The following TAFA1 variants were observed in gnomAD, a reference collection of about 807,000 sequenced individuals.
TAFA1 encodes the protein chemokine-like protein TAFA-1.
A neutral mutation model predicts 18.5 loss-of-function variants in TAFA1; 4 were observed. That is an observed-to-expected ratio of 0.22 (90% CI 0.11 to 0.49). The LOEUF (loss-of-function observed/expected upper bound fraction) is 0.49. Among genes scored for constraint, TAFA1 ranks in the 20% least tolerant of loss-of-function variants. The pLI is 0.98. For synonymous variants in TAFA1, 56 were observed against 55.2 expected (o/e 1.01, Z -0.06); for missense variants, 147 against 169.0 (o/e 0.87, Z 0.72).
At chr3:68,424,803 T>A (rs536034032) in intron 3 of TAFA1, among the ~76,000 whole-genome samples, 9 of 152,032 alleles carry the variant, frequency 5.9e-5, no homozygotes, top group Non-Finnish European at 1.3e-4. Flanking sequence ...ACAAGTAGCT[T>A]ATTAAACTTG....
chr3:68,233,976 A>AAAGC (rs1253171764), intron 2 of TAFA1, among the ~76,000 whole-genome samples: 2 of 152,212 alleles, frequency 1.3e-5, no homozygotes, highest in African/African-American at 4.8e-5. Context: ...AACTGGCAGA[A>AAAGC]AAGCAATGGT....
At chr3:68,277,146 T>C (rs1339510753) in intron 2 of TAFA1, among the ~76,000 whole-genome samples, 2 of 152,164 alleles carry the variant, frequency 1.3e-5, no homozygotes, top group African/African-American at 4.8e-5. Context: ...GCATATATAT[T>C]AGTGCATACA....
chr3:68,006,563 G>C, intron 1 of TAFA1, 61 bp from the exon 2 acceptor site: 5 of 1,083,998 alleles, frequency 4.6e-6, no homozygotes, highest in African/African-American at 1.5e-5. Context: ...TCATCAGTGG[G>C]GCTGACTGAG....
chr3:68,366,028 G>A (rs930964158), intron 2 of TAFA1, among the ~76,000 whole-genome samples: 3 of 140,556 alleles, frequency 2.1e-5, no homozygotes, highest in Non-Finnish European at 4.5e-5. Flanking sequence ...AGAGGTTGCA[G>A]CAAGCCGAGA....
chr3:68,199,722 T>A (rs1411056493), intron 2 of TAFA1, among the ~76,000 whole-genome samples: 1 of 151,650 alleles, frequency 6.6e-6, no homozygotes, highest in East Asian at 2.0e-4. Flanking sequence ...CTTTCTATAA[T>A]CCCTTATTAA....
At chr3:68,442,195 A>C (rs534036036) in intron 3 of TAFA1, among the ~76,000 whole-genome samples, 35 of 152,236 alleles carry the variant, frequency 2.3e-4, no homozygotes, top group African/African-American at 8.2e-4. Context: ...AAACTGAGTA[A>C]TTATTAAAGA....
chr3:68,492,421 C>T (rs906758987), intron 3 of TAFA1, among the ~76,000 whole-genome samples: 47 of 152,106 alleles, frequency 3.1e-4, no homozygotes, highest in Non-Finnish European at 1.3e-4. Context: ...TAGGGAAATC[C>T]GACTTCAGAG....
chr3:68,174,076 G>C (rs2066093365), intron 2 of TAFA1, among the ~76,000 whole-genome samples: 1 of 152,052 alleles, frequency 6.6e-6, no homozygotes, highest in Non-Finnish European at 1.5e-5. Flanking sequence ...AGCAGTTTGT[G>C]AGAAATGCAA....
intron 2 of TAFA1, among the ~76,000 whole-genome samples, chr3:68,180,012 T>TTATTATTA (rs2066175845): frequency 2.9e-5 from 4 of 140,322 alleles, no homozygotes; most frequent in Non-Finnish European, 3.0e-5. Flanking sequence ...AACACATAAT[T>TTATTATTA]TTATTATTAT....
intron 2 of TAFA1, among the ~76,000 whole-genome samples, chr3:68,413,615 A>T (rs117226312): frequency 1.3e-5 from 2 of 152,340 alleles, no homozygotes; most frequent in East Asian, 3.9e-4. Flanking sequence ...TGATAATAAT[A>T]TGTGAGACAT....
chr3:68,405,359 C>T (rs1333447906), intron 2 of TAFA1, among the ~76,000 whole-genome samples: 1 of 151,730 alleles, frequency 6.6e-6, no homozygotes, highest in African/African-American at 2.4e-5. Flanking sequence ...TAGGAGTAGA[C>T]AAGTCAGGCC....
chr3:68,269,318 T>G (rs936862448), intron 2 of TAFA1, among the ~76,000 whole-genome samples: 4 of 151,836 alleles, frequency 2.6e-5, no homozygotes, highest in Non-Finnish European at 5.9e-5. Context: ...TAGCTAGGCA[T>G]AGTGGCACAT....
Position 68,267,675 on chromosome 3 carries a change from CT to C in TAFA1, c.119-149595del, listed in dbSNP as rs5849810. ...TCTTGCACAGGTTATTTGAAGGATT[CT>C]TTTTTTTTTAATATTTAAGGGAATG... On this transcript the variant is annotated intron_variant, in intron 2 of 4. Coordinates refer to ENST00000478136, the MANE Select transcript of TAFA1 (RefSeq NM_213609.4). Among the ~76,000 whole-genome samples, 318 of 147,654 alleles carry C rather than the reference CT, an allele frequency of 2.2e-3. 1 individual carries two copies. The highest frequency in any genetic ancestry group is 9.8e-3 in the Admixed American group (145 of 14,802).
At chr3:68,095,174 G>T (rs1440238822) in intron 2 of TAFA1, among the ~76,000 whole-genome samples, 5 of 152,020 alleles carry the variant, frequency 3.3e-5, no homozygotes, top group Non-Finnish European at 7.4e-5. Context: ...TTCTTCCCAC[G>T]TTTGATATAG....
chr3:68,400,890 G>C (rs1207165199), intron 2 of TAFA1, among the ~76,000 whole-genome samples: 11 of 152,162 alleles, frequency 7.2e-5, no homozygotes, highest in Admixed American at 6.6e-4. Flanking sequence ...GACGAGAACT[G>C]TGTCAGGTGT....
chr3:68,533,380 T>C (rs2073219446), intron 3 of TAFA1, among the ~76,000 whole-genome samples: 2 of 152,146 alleles, frequency 1.3e-5, no homozygotes, highest in Non-Finnish European at 2.9e-5. Context: ...ATGAGAACAG[T>C]ATGGGGGAAA....
At chr3:68,447,148 A>G (rs2071484151) in intron 3 of TAFA1, among the ~76,000 whole-genome samples, 2 of 152,210 alleles carry the variant, frequency 1.3e-5, no homozygotes, top group African/African-American at 4.8e-5. Flanking sequence ...TTTGTTAAAT[A>G]TCCATACGTG....
chr3:68,063,000 C>G (rs1018739268), intron 2 of TAFA1, among the ~76,000 whole-genome samples: 2 of 152,116 alleles, frequency 1.3e-5, no homozygotes, highest in African/African-American at 4.8e-5. Context: ...AGGGGCCAGA[C>G]AGGTAACCTA....
intron 2 of TAFA1, among the ~76,000 whole-genome samples, chr3:68,113,616 G>A (rs189617974): frequency 3.3e-5 from 5 of 152,188 alleles, no homozygotes; most frequent in African/African-American, 1.2e-4. Flanking sequence ...AGGTTCTCAC[G>A]GCATGGAAGA....
Sources: gnomAD v4.1 joint callset for allele counts (sites outside exome capture counted in the v4.1 genomes callset) on GRCh38, gnomAD v4.1.1 for gene constraint, MANE v1.5 for transcripts, NCBI Gene and HGNC (gene_info 2026-07-23, HGNC 2026-07-21) for gene names.